CD2AP: variants seen among roughly 807,000 people sequenced by gnomAD.
The protein encoded by CD2AP is CD2 associated protein, also known as CD2-associated protein.
A neutral mutation model predicts 85.1 loss-of-function variants in CD2AP; 46 were observed. The ratio of observed to expected loss-of-function variants is 0.54; its 90% CI spans 0.43 to 0.69. CD2AP has a LOEUF of 0.69. Ranked by LOEUF, CD2AP falls within the 30% of genes least tolerant of loss-of-function variation. CD2AP has a pLI of 0.00. For missense variants in CD2AP, 769 were observed against 729.5 expected (o/e 1.05, Z -0.62); for synonymous variants, 255 against 252.9 (o/e 1.01, Z -0.08).
intron 2 of CD2AP, among the ~76,000 whole-genome samples, chr6:47,528,197 CAG>C (rs1000818930): frequency 3.3e-5 from 5 of 152,130 alleles, no homozygotes; most frequent in African/African-American, 1.2e-4. Context: ...GGGGATGAGA[CAG>C]AGTCTCTTTC....
At chr6:47,525,741 T>G (rs1265172873) in intron 2 of CD2AP, among the ~76,000 whole-genome samples, 1 of 152,166 alleles carries the variant, frequency 6.6e-6, no homozygotes, top group Non-Finnish European at 1.5e-5. Context: ...TGTATTTCAG[T>G]TTTTATCCTC....
At chr6:47,614,377 T>C (rs1044879577) in intron 17 of CD2AP, among the ~76,000 whole-genome samples, 1 of 152,174 alleles carries the variant, frequency 6.6e-6, no homozygotes, top group African/African-American at 2.4e-5. Context: ...GGGTTATTAA[T>C]TGGCCTAATT....
At chr6:47,507,124 C>T (rs577975559) in intron 2 of CD2AP, among the ~76,000 whole-genome samples, 10 of 152,294 alleles carry the variant, frequency 6.6e-5, no homozygotes, top group African/African-American at 2.2e-4. Context: ...TTTCTTTGCT[C>T]CTCCATAGGA....
chr6:47,480,739 A>G (rs1475815666), intron 1 of CD2AP, among the ~76,000 whole-genome samples: 1 of 152,202 alleles, frequency 6.6e-6, no homozygotes, highest in East Asian at 1.9e-4. Flanking sequence ...TTGGGAAAAA[A>G]AAAATCTCAA....
intron 17 of CD2AP, among the ~76,000 whole-genome samples, 192 bp from the exon 18 acceptor site, chr6:47,623,994 C>T (rs1162178545): frequency 6.6e-6 from 1 of 151,994 alleles, no homozygotes; most frequent in East Asian, 1.9e-4. Flanking sequence ...CTTATTGTAA[C>T]TGCCATTTAG....
intron 4 of CD2AP, among the ~76,000 whole-genome samples, chr6:47,549,839 A>G (rs1365701083): frequency 2.0e-5 from 3 of 152,220 alleles, no homozygotes; most frequent in African/African-American, 7.2e-5. Flanking sequence ...CCAAAACAGC[A>G]TGGTACTGGT....
intron 10 of CD2AP, among the ~76,000 whole-genome samples, chr6:47,581,785 T>G (rs1229060877): frequency 1.3e-5 from 2 of 152,158 alleles, no homozygotes; most frequent in Non-Finnish European, 2.9e-5. Flanking sequence ...CTCTAACACC[T>G]AAATTTGACA....
Position 47,478,015 on chromosome 6 carries a change from A to G in CD2AP, c.-230A>G, listed in dbSNP as rs1231607604. On this transcript the variant is annotated 5_prime_UTR_variant, in exon 1 of 18. Coordinates refer to ENST00000359314, the MANE Select transcript of CD2AP (RefSeq NM_012120.3). The stretch of plus-strand genomic sequence containing the variant: ...CGCCGCCGTGGCTCCTGGGGAGGCC[A>G]GGGGTGAGGAGCTGTCGCCGCCTTT... The G allele has an allele frequency of 1.0e-5, 6 of 601,106 alleles. No individual in the cohort carries two copies. Among genetic ancestry groups the G allele is most frequent in the Non-Finnish European group, 1.8e-5 (6 of 340,454 alleles). The allele number at this position is 601,106 out of a possible 1,614,324, so 37.2% of individuals were successfully genotyped here.
chr6:47,576,665 G>C, intron 7 of CD2AP, 63 bp downstream of exon 7: 4 of 1,187,330 alleles, frequency 3.4e-6, no homozygotes, highest in Non-Finnish European at 5.0e-6. Flanking sequence ...TGTATTAAGA[G>C]ACTTGTTGGA....
intron 17 of CD2AP, among the ~76,000 whole-genome samples, chr6:47,615,365 G>A (rs1373510918): frequency 6.6e-6 from 1 of 152,130 alleles, no homozygotes; most frequent in Admixed American, 6.6e-5. Context: ...AGAAATACCT[G>A]AGACTGGATA....
Position 47,624,347 on chromosome 6 carries a change from G to A in CD2AP, c.*120G>A. On this transcript the variant is annotated 3_prime_UTR_variant, in exon 18 of 18. Transcript: ENST00000359314. ...GTTGTGATAAATATGAGCAAATGAA[G>A]TGTAATATCTATAGAAAAGTAGAGT... The A allele has an allele frequency of 1.3e-6, 1 of 783,878 alleles. No individual in the cohort carries two copies. The highest frequency in any genetic ancestry group is 1.5e-5 in the South Asian group (1 of 67,686). 48.6% of individuals were successfully genotyped at this position (783,878 alleles called of 1,614,324 possible). A position where few individuals can be genotyped will look rare whatever the true frequency, so the allele number is the denominator to read the frequency against.
intron 5 of CD2AP, among the ~76,000 whole-genome samples, chr6:47,571,455 A>G (rs1026900943): frequency 3.3e-5 from 5 of 152,206 alleles, no homozygotes; most frequent in African/African-American, 4.8e-5. Context: ...TCTGAACTGC[A>G]TTATAAGGAA....
chr6:47,532,376 TACACACACACACACACACACAC>T (rs10522555), intron 2 of CD2AP, among the ~76,000 whole-genome samples: 9 of 141,976 alleles, frequency 6.3e-5, no homozygotes, highest in African/African-American at 1.1e-4. Flanking sequence ...TATATATGTA[TACACACACACACACACACACAC>T]ACACACACAC....
chr6:47,582,238 C>T, intron 11 of CD2AP, 173 bp downstream of exon 11: 1 of 568,000 alleles, frequency 1.8e-6, no homozygotes. Context: ...AAACAGATAA[C>T]AATTTACATT....
intron 2 of CD2AP, among the ~76,000 whole-genome samples, chr6:47,517,636 A>G (rs1006900855): frequency 8.5e-5 from 13 of 152,152 alleles, no homozygotes; most frequent in African/African-American, 3.1e-4. Flanking sequence ...ATACTTCTTT[A>G]TAACAGCACA....
At chr6:47,518,322 C>A (rs1766504126) in intron 2 of CD2AP, among the ~76,000 whole-genome samples, 1 of 152,154 alleles carries the variant, frequency 6.6e-6, no homozygotes. Flanking sequence ...GCTAGCATAA[C>A]ATTAAGATAT....
chr6:47,604,173 T>TGC (rs2114143199), intron 13 of CD2AP, among the ~76,000 whole-genome samples: 1 of 152,236 alleles, frequency 6.6e-6, no homozygotes, highest in African/African-American at 2.4e-5. Flanking sequence ...ACAATGTGAT[T>TGC]GCAAAAGCTA....
intron 16 of CD2AP, among the ~76,000 whole-genome samples, chr6:47,609,664 G>A (rs962522965): frequency 2.0e-5 from 3 of 151,884 alleles, no homozygotes; most frequent in Non-Finnish European, 4.4e-5. Context: ...ATGCCAGTGC[G>A]CTCCAGCCTG....
intron 5 of CD2AP, among the ~76,000 whole-genome samples, chr6:47,561,664 C>T (rs1349856308): frequency 6.6e-6 from 1 of 152,156 alleles, no homozygotes; most frequent in Non-Finnish European, 1.5e-5. Context: ...TTACTAGTAC[C>T]TCTAATTCCA....
Sources: gnomAD v4.1 joint callset for allele counts (sites outside exome capture counted in the v4.1 genomes callset) on GRCh38, gnomAD v4.1.1 for gene constraint, MANE v1.5 for transcripts, NCBI Gene and HGNC (gene_info 2026-07-23, HGNC 2026-07-21) for gene names.